Variants in HPCAL1 observed in about 807,000 individuals in gnomAD.
The protein encoded by HPCAL1 is hippocalcin-like protein 1.
A neutral mutation model predicts 17.1 loss-of-function variants in HPCAL1; 8 were observed. That is an observed-to-expected ratio of 0.47 (90% confidence interval 0.27 to 0.84). The LOEUF (loss-of-function observed/expected upper bound fraction) is 0.84. Ranked by LOEUF, HPCAL1 falls within the 40% of genes least tolerant of loss-of-function variation. The probability of loss-of-function intolerance (pLI) is 0.13; values close to 1 mark genes in which losing one functional copy is unlikely to be tolerated. For missense variants in HPCAL1, 165 were observed against 271.1 expected, an observed-to-expected ratio of 0.61 and a Z score of 2.75; for synonymous variants, 112 against 111.4, an observed-to-expected ratio of 1.01 and a Z score of -0.03.
chr2:10,410,940 C>A (rs142150668), intron 2 of HPCAL1, among the ~76,000 whole-genome samples: 5 of 151,648 alleles, frequency 3.3e-5, no homozygotes, highest in African/African-American at 1.2e-4. Flanking sequence ...CCCCGCCCCC[C>A]GTTTCTTGTG....
At chr2:10,420,179 CCCTCCCA>C (rs1670965746) in intron 3 of HPCAL1, 44 bp downstream of exon 3, 3 of 1,547,828 alleles carry the variant, frequency 1.9e-6, no homozygotes, top group Non-Finnish European at 2.6e-6. Flanking sequence ...GGCCCAGGTC[CCCTCCCA>C]GCTCCCAGCC....
chr2:10,378,003 C>T (rs1047786423), intron 1 of HPCAL1, among the ~76,000 whole-genome samples: 4 of 152,064 alleles, frequency 2.6e-5, no homozygotes, highest in African/African-American at 7.2e-5. Context: ...TTGACCAAGG[C>T]GGTAATTTCC....
At chr2:10,353,685 A>G (rs1297780433) in intron 1 of HPCAL1, among the ~76,000 whole-genome samples, 1 of 152,228 alleles carries the variant, frequency 6.6e-6, no homozygotes, top group African/African-American at 2.4e-5. Flanking sequence ...CTCCTGCCTC[A>G]GCCTCCCCAG....
At chr2:10,341,640 C>T (rs1248623249) in intron 1 of HPCAL1, among the ~76,000 whole-genome samples, 3 of 152,064 alleles carry the variant, frequency 2.0e-5, no homozygotes, top group Non-Finnish European at 4.4e-5. Flanking sequence ...TAAACACGAG[C>T]CGTGGGCCTT....
At chr2:10,407,752 A>G (rs1670058605) in intron 2 of HPCAL1, among the ~76,000 whole-genome samples, 1 of 152,180 alleles carries the variant, frequency 6.6e-6, no homozygotes, top group Admixed American at 6.5e-5. Context: ...GGTGGAGGGA[A>G]CTGCAGGTGC....
intron 1 of HPCAL1, among the ~76,000 whole-genome samples, chr2:10,313,698 G>A (rs1663125006): frequency 6.6e-6 from 1 of 152,144 alleles, no homozygotes; most frequent in African/African-American, 2.4e-5. Flanking sequence ...TTGACAAATG[G>A]GGCTTAGGGT....
At chr2:10,391,264 A>G (rs1010425367) in intron 1 of HPCAL1, among the ~76,000 whole-genome samples, 10 of 152,104 alleles carry the variant, frequency 6.6e-5, no homozygotes, top group African/African-American at 1.9e-4. Context: ...GTACCCATCC[A>G]TCCCTTCCCC....
At chr2:10,352,445 CTCTT>C in intron 1 of HPCAL1, among the ~76,000 whole-genome samples, 1 of 152,338 alleles carries the variant, frequency 6.6e-6, no homozygotes, top group South Asian at 2.1e-4. Context: ...AAATCTCTCT[CTCTT>C]AAGAACTGAT....
In HPCAL1 at chr2:10,419,277, C is replaced by T. The variant is rs901120743; in HGVS notation, c.-24-457C>T. Among the ~76,000 whole-genome samples the T allele has an allele frequency of 7.9e-5, 12 of 152,012 alleles. No individual in the cohort carries two copies. Among genetic ancestry groups the T allele is most frequent in the African/African-American group, 1.4e-4 (6 of 41,384 alleles). ...GGGTGACTCCCTGAAAGTTTCTAGA[C>T]GCCTCTTCTAAAGATAAAAACATAA... On this transcript the variant is annotated intron_variant, in intron 2 of 4. Transcript: ENST00000307845. This position sits in a 1 kb window ranked among gnomAD's most constrained non-coding sequence, Gnocchi z 5.0.
At chr2:10,425,503 G>C (rs1357674873) in intron 4 of HPCAL1, 3 of 152,372 alleles carry the variant, frequency 2.0e-5, no homozygotes, top group Non-Finnish European at 2.9e-5. Context: ...GGGCTGGAGG[G>C]GCTGAATTCC....
intron 1 of HPCAL1, among the ~76,000 whole-genome samples, chr2:10,346,905 T>C (rs1665496315): frequency 7.9e-6 from 1 of 126,962 alleles, no homozygotes. Flanking sequence ...AGGACCACCC[T>C]GGAGGATGTT....
chr2:10,422,410 T>A (rs1417989115), intron 3 of HPCAL1, among the ~76,000 whole-genome samples: 1 of 151,874 alleles, frequency 6.6e-6, no homozygotes, highest in Non-Finnish European at 1.5e-5. Context: ...CAGCACAGAG[T>A]CACATGCCCC....
At chr2:10,366,499 G>C (rs1293878097) in intron 1 of HPCAL1, among the ~76,000 whole-genome samples, 3 of 152,166 alleles carry the variant, frequency 2.0e-5, no homozygotes, top group African/African-American at 7.2e-5. Flanking sequence ...GCCTCCCAAA[G>C]TGCTGAGATT....
intron 1 of HPCAL1, among the ~76,000 whole-genome samples, chr2:10,319,570 AGGTGGGGTGG>A (rs57294658): frequency 2.9e-4 from 9 of 31,344 alleles, no homozygotes; most frequent in Admixed American, 1.8e-3. Context: ...GCTGACGGGC[AGGTGGGGTGG>A]GGTGGGGTGG....
chr2:10,412,010 G>A (rs189090438), intron 2 of HPCAL1, among the ~76,000 whole-genome samples: 45 of 152,282 alleles, frequency 3.0e-4, no homozygotes, highest in African/African-American at 8.9e-4. Context: ...CCGCTGAGTC[G>A]CAGTACAGGG....
At chr2:10,303,549 C>A (rs1220696517) in intron 1 of HPCAL1, among the ~76,000 whole-genome samples, 1 of 152,154 alleles carries the variant, frequency 6.6e-6, no homozygotes, top group Non-Finnish European at 1.5e-5. Context: ...TCCAGCCCCA[C>A]GCCCAGAGCC....
rs1664300650 is a variant in HPCAL1, at chr2:10,330,571, C to T, written c.-111+27394C>T. On this transcript the variant is annotated intron_variant, in intron 1 of 4. Transcript: ENST00000307845. This position sits in a 1 kb window ranked among gnomAD's most constrained non-coding sequence, Gnocchi z 4.2. ...GCCTCTCTCCTCGGCTCCGTGTAGC[C>T]CTTTCTCCCTCTGTTCTCACACGGC... Among the ~76,000 whole-genome samples the T allele has an allele frequency of 6.6e-6, 1 of 152,102 alleles. No individual in the cohort carries two copies. Among genetic ancestry groups the T allele is most frequent in the Admixed American group, 6.5e-5 (1 of 15,272 alleles).
chr2:10,325,898 C>T (rs1005537085), intron 1 of HPCAL1, among the ~76,000 whole-genome samples: 3 of 152,214 alleles, frequency 2.0e-5, no homozygotes, highest in Non-Finnish European at 4.4e-5. Context: ...TGGCCTTTTT[C>T]CACTGTGTTG....
At chr2:10,317,935 T>C (rs1663424404) in intron 1 of HPCAL1, among the ~76,000 whole-genome samples, 1 of 152,220 alleles carries the variant, frequency 6.6e-6, no homozygotes, top group Non-Finnish European at 1.5e-5. Flanking sequence ...TCTCTTGTTG[T>C]CCCCATGGGA....
Sources: allele counts gnomAD v4.1 joint callset (sites outside exome capture counted in the v4.1 genomes callset), GRCh38; gene constraint gnomAD v4.1.1; non-coding constraint Gnocchi (gnomAD v3.1); transcripts MANE v1.5; gene names NCBI Gene and HGNC (gene_info 2026-07-23, HGNC 2026-07-21).